The following XKR6 variants were observed in gnomAD, a reference collection of about 807,000 sequenced individuals.
The protein encoded by XKR6 is XK-related protein 6.
XKR6 carries 22 observed loss-of-function variants against 56.7 expected under a neutral mutation model. That is an observed-to-expected ratio of 0.39 (90% CI 0.28 to 0.55). The LOEUF (loss-of-function observed/expected upper bound fraction) is 0.55, where lower values mean the gene tolerates loss of function less well. XKR6 is among the 20% of genes least tolerant of loss of function. XKR6 has a pLI of 0.66. For missense variants in XKR6, 852 were observed against 889.0 expected, an observed-to-expected ratio of 0.96 and a Z score of 0.53; for synonymous variants, 524 against 387.8, an observed-to-expected ratio of 1.35 and a Z score of -4.13.
intron 1 of XKR6, among the ~76,000 whole-genome samples, chr8:11,042,180 C>G (rs1799302125): frequency 6.6e-6 from 1 of 152,128 alleles, no homozygotes; most frequent in Non-Finnish European, 1.5e-5. Flanking sequence ...CAGTTTATCA[C>G]AGGTCGAGTC....
intron 1 of XKR6, among the ~76,000 whole-genome samples, chr8:11,179,735 G>T (rs959111235): frequency 1.3e-5 from 2 of 152,150 alleles, no homozygotes; most frequent in African/African-American, 4.8e-5. Flanking sequence ...GAAAGATAAT[G>T]CTCTCCACCA....
chr8:11,146,919 T>C (rs985148081), intron 1 of XKR6, among the ~76,000 whole-genome samples: 5 of 151,802 alleles, frequency 3.3e-5, no homozygotes, highest in African/African-American at 9.7e-5. Flanking sequence ...GAATCTAAAA[T>C]AGTCAGACTC....
intron 1 of XKR6, among the ~76,000 whole-genome samples, chr8:11,063,741 T>C (rs941516215): frequency 1.3e-5 from 2 of 152,152 alleles, no homozygotes; most frequent in African/African-American, 4.8e-5. Flanking sequence ...GAATTCCTGA[T>C]ACGCTTGGCT....
At chr8:11,019,474 G>GTGGGCAGC (rs1798700357) in intron 1 of XKR6, among the ~76,000 whole-genome samples, 1 of 152,236 alleles carries the variant, frequency 6.6e-6, no homozygotes, top group African/African-American at 2.4e-5. Context: ...CTGGAGGGAG[G>GTGGGCAGC]TGGGCTGCTG....
chr8:10,966,391 C>A (rs961293131), intron 1 of XKR6, among the ~76,000 whole-genome samples: 5 of 152,040 alleles, frequency 3.3e-5, no homozygotes, highest in African/African-American at 1.2e-4. Context: ...CAAGTTAGGC[C>A]GGGCATGGTG....
intron 1 of XKR6, among the ~76,000 whole-genome samples, chr8:11,115,473 A>G (rs1488869377): frequency 6.6e-6 from 1 of 152,230 alleles, no homozygotes; most frequent in Non-Finnish European, 1.5e-5. Flanking sequence ...ATGAAGACAA[A>G]TATGTTACAG....
At chr8:11,196,100 G>A (rs113190539) in intron 1 of XKR6, among the ~76,000 whole-genome samples, 256 of 151,920 alleles carry the variant, frequency 1.7e-3, no homozygotes, top group African/African-American at 5.9e-3. Context: ...TGGTACCCTG[G>A]CCCCACACAA....
At chr8:10,915,698 C>T (rs927611608) in intron 2 of XKR6, among the ~76,000 whole-genome samples, 4 of 152,080 alleles carry the variant, frequency 2.6e-5, no homozygotes, top group African/African-American at 9.7e-5. Context: ...AACAAGAAGC[C>T]GTTTGGAGCT....
At chr8:11,094,184 T>TTTAA (rs1313341531) in intron 1 of XKR6, among the ~76,000 whole-genome samples, 2 of 151,886 alleles carry the variant, frequency 1.3e-5, no homozygotes, top group African/African-American at 4.8e-5. Flanking sequence ...AAAAAGACTT[T>TTTAA]CCATAAGCCC....
chr8:10,925,834 C>A (rs1800866009), intron 1 of XKR6, among the ~76,000 whole-genome samples: 1 of 152,166 alleles, frequency 6.6e-6, no homozygotes, highest in South Asian at 2.1e-4. Context: ...CTCTCTGGAA[C>A]TGTGTCTCCA....
chr8:11,072,670 C>G (rs1044354359), intron 1 of XKR6, among the ~76,000 whole-genome samples: 11 of 152,210 alleles, frequency 7.2e-5, no homozygotes, highest in South Asian at 2.1e-4. Context: ...ACACATGGGT[C>G]AGGGTGGGGG....
chr8:10,946,394 C>T lies in XKR6; in HGVS notation c.765-21564G>A, dbSNP rs116662965. 5.2e-3 allele frequency among the ~76,000 whole-genome samples: 785 copies of T among 152,234 alleles called. 4 individuals are homozygous for T. The highest frequency in any genetic ancestry group is 0.017 in the African/African-American group (727 of 41,568). ...CGCAGAGCCCACCCGGGGCAGTGAA[C>T]GTGCTTGTACCTTTGTGTAAGCCTC... On this transcript the variant is annotated intron_variant, in intron 1 of 2. Transcript: ENST00000416569.
intron 1 of XKR6, among the ~76,000 whole-genome samples, chr8:10,948,030 A>T (rs887621609): frequency 6.6e-6 from 1 of 151,994 alleles, no homozygotes; most frequent in African/African-American, 2.4e-5. Flanking sequence ...GTTAGGGGAG[A>T]GGTGACTGCA....
intron 2 of XKR6, among the ~76,000 whole-genome samples, chr8:10,913,806 G>A (rs1240222344): frequency 6.6e-6 from 1 of 152,218 alleles, no homozygotes; most frequent in Non-Finnish European, 1.5e-5. Context: ...AGCAGAGAAG[G>A]ACCCAAAGTC....
intron 1 of XKR6, among the ~76,000 whole-genome samples, chr8:11,163,375 G>A (rs757455227): frequency 6.6e-6 from 1 of 151,560 alleles, no homozygotes; most frequent in Non-Finnish European, 1.5e-5. Flanking sequence ...GGGAAAATGT[G>A]ACTGGCACAT....
chr8:11,192,733 G>A (rs1803647708), intron 1 of XKR6, among the ~76,000 whole-genome samples: 1 of 152,112 alleles, frequency 6.6e-6, no homozygotes, highest in Non-Finnish European at 1.5e-5. Flanking sequence ...CACACTCCCT[G>A]GCCCAACTCC....
intron 1 of XKR6, among the ~76,000 whole-genome samples, chr8:11,145,274 CA>C (rs35963034): frequency 0.46 from 70,091 of 151,678 alleles, 17,335 homozygotes; most frequent in African/African-American, 0.62. Context: ...ATGCAAAATC[CA>C]AAAACACTTC....
intron 1 of XKR6, among the ~76,000 whole-genome samples, chr8:10,959,367 G>C (rs910487230): frequency 6.6e-6 from 1 of 152,152 alleles, no homozygotes; most frequent in South Asian, 2.1e-4. Flanking sequence ...ATGTTATAGG[G>C]AGACTGGTTT....
At chr8:11,159,507 T>G (rs933269921) in intron 1 of XKR6, among the ~76,000 whole-genome samples, 1 of 152,208 alleles carries the variant, frequency 6.6e-6, no homozygotes, top group African/African-American at 2.4e-5. Flanking sequence ...GCCATCAGCT[T>G]GCCATGTGCT....
Sources: allele counts gnomAD v4.1 joint callset (sites outside exome capture counted in the v4.1 genomes callset), GRCh38; gene constraint gnomAD v4.1.1; transcripts MANE v1.5; gene names NCBI Gene and HGNC (gene_info 2026-07-23, HGNC 2026-07-21).